Variants in ELF4 observed in about 807,000 individuals in gnomAD.
The protein encoded by ELF4 is E74 like ETS transcription factor 4.
In ELF4, 10 loss-of-function variants were observed where a neutral mutation model predicts 31.7. The observed-to-expected ratio is 0.32, with a 90% confidence interval of 0.19 to 0.54. ELF4 has a LOEUF of 0.54. Ranked by LOEUF, ELF4 falls within the 20% of genes least tolerant of loss-of-function variation. The pLI is 0.95. For missense variants in ELF4, 418 were observed against 522.0 expected (o/e 0.80, Z 1.94); for synonymous variants, 208 against 226.7 (o/e 0.92, Z 0.74).
intron 5 of ELF4, among the ~76,000 whole-genome samples, chrX:130,071,736 G>A (rs1019376188): frequency 2.7e-5 from 3 of 112,964 alleles, no homozygotes; most frequent in African/African-American, 9.6e-5. Flanking sequence ...AGGTAAGTGC[G>A]GTGCTGAGGT....
At position 130,069,327 on chromosome X, in the gene ELF4, C is replaced by T. The variant is rs1487210789; in HGVS notation, c.1160G>A (p.Gly387Asp). The change falls in exon 8 of 9, where the codon GGC (glycine) becomes GAC (aspartate). Residue 387 changes from glycine (G) to aspartate (D), a missense_variant. Transcript: ENST00000308167. ...CACAGCTTTGGTGAGCTTGACCTGG[C>T]CCTCTGCTGGAGAGACGAGCATGGT... ...TSTMLVSPAE[G>D]QVKLTKAVSA... 1.6e-6 allele frequency: 2 copies of T among 1,212,145 alleles called. No homozygotes were observed. Among genetic ancestry groups the T allele is most frequent in the Non-Finnish European group, 2.2e-6 (2 of 895,626 alleles).
chrX:130,084,599 G>A (rs772171524), intron 1 of ELF4, among the ~76,000 whole-genome samples: 14 of 111,691 alleles, frequency 1.3e-4, no homozygotes, highest in Non-Finnish European at 2.3e-4. Flanking sequence ...CAGCACCCGA[G>A]GCTCATCCTG....
chrX:130,087,238 G>A (rs762485353), intron 1 of ELF4, among the ~76,000 whole-genome samples: 51 of 112,056 alleles, frequency 4.6e-4, no homozygotes, highest in Admixed American at 6.6e-4. Context: ...AAACCCAAGT[G>A]TGGGGCAGCC....
At chrX:130,068,902 C>A (rs1019866888) in intron 8 of ELF4, among the ~76,000 whole-genome samples, 1 of 111,983 alleles carries the variant, frequency 8.9e-6, no homozygotes, top group Non-Finnish European at 1.9e-5. Flanking sequence ...ATGAGCCTGG[C>A]GACAGAGTAG....
intron 1 of ELF4, among the ~76,000 whole-genome samples, chrX:130,110,068 G>A (rs1933449712): frequency 8.9e-6 from 1 of 111,824 alleles, no homozygotes; most frequent in African/African-American, 3.2e-5. Flanking sequence ...GGCTGCCGGG[G>A]GCGAGGGAAA....
chrX:130,094,366 A>T (rs1031491045), intron 1 of ELF4, among the ~76,000 whole-genome samples: 1 of 109,874 alleles, frequency 9.1e-6, no homozygotes, highest in African/African-American at 3.3e-5. Context: ...CCTGGGTGAC[A>T]GAGTGAGACT....
Position 130,073,287 on chromosome X carries a change from C to A in ELF4, c.340+762G>T, listed in dbSNP as rs1190426645. ...TATTTTTAGTAGAGACGAGGTTTTG[C>A]CATGTTGGCCAGGCCAGTCTCGAAC... is the stretch of plus-strand genomic sequence containing the variant. On this transcript the variant is annotated intron_variant, in intron 4 of 8. Transcript: ENST00000308167. Among the ~76,000 whole-genome samples the A allele has an allele frequency of 4.5e-5, 5 of 110,676 alleles. No individual in the cohort carries two copies. In the Admixed American group the frequency reaches 4.8e-4, roughly 11 times the overall value.
intron 3 of ELF4, 113 bp downstream of exon 3, chrX:130,074,468 T>G: frequency 9.7e-7 from 1 of 1,033,073 alleles, no homozygotes. Flanking sequence ...ACTTTTTGGC[T>G]GGTGGACTTG....
rs1329242262 is a variant in ELF4, at chrX:130,066,960, A to G, written c.1753T>C (p.Ser585Pro). 8.2e-7 allele frequency: 1 copy of G among 1,212,171 alleles called. No homozygotes were observed. The highest frequency in any genetic ancestry group is 2.2e-5 in the Admixed American group (1 of 46,099). ...HLQPLPTQVV[S>P]RGSHNPSLLG... ...AGGCTCGGATTGTGGGAACCCCTGG[A>G]AACCACCTGGGTTGGAAGTGGCTGA... Residue 585 changes from serine to proline, a missense_variant, in exon 9 of 9, where the codon TCC becomes CCC. Physicochemically the swap from Ser to Pro is moderately conservative, Grantham distance 74. This residue lies in a region of ELF4 where 260 missense variants were observed against 269.2 expected (regional missense o/e 0.97). Coordinates refer to ENST00000308167, the MANE Select transcript of ELF4 (RefSeq NM_001421.4).
chrX:130,101,478 C>G lies in ELF4; in HGVS notation c.-210+8847G>C, dbSNP rs539224241. Among the ~76,000 whole-genome samples, 45 of 112,066 alleles carry G rather than the reference C, an allele frequency of 4.0e-4. No homozygotes were observed. In the South Asian group the frequency reaches 4.7e-3, roughly 12 times the overall value. On this transcript the variant is annotated intron_variant, in intron 1 of 8. Coordinates refer to ENST00000308167, the MANE Select transcript of ELF4 (RefSeq NM_001421.4). ...TCTAAAATAATGGTAACATAAGGAA[C>G]AAACATGATTATAAAATAAGATTTA...
intron 2 of ELF4, among the ~76,000 whole-genome samples, chrX:130,080,904 G>A (rs921508236): frequency 1.9e-4 from 21 of 112,555 alleles, no homozygotes; most frequent in African/African-American, 6.5e-4. Context: ...AGAAGTGGCC[G>A]AAAAATGCAT....
chrX:130,070,837 C>T (rs1932781098), intron 7 of ELF4, among the ~76,000 whole-genome samples: 1 of 106,449 alleles, frequency 9.4e-6, no homozygotes, highest in Non-Finnish European at 1.9e-5. Context: ...GAAAAAAGGC[C>T]AGGTCAGATA....
intron 1 of ELF4, among the ~76,000 whole-genome samples, chrX:130,097,438 A>AAAAAG (rs976657178): frequency 1.8e-5 from 2 of 111,303 alleles, no homozygotes; most frequent in African/African-American, 6.5e-5. Flanking sequence ...CTGTCTCAAA[A>AAAAAG]AAAAGAAAAG....
At position 130,066,694 on chromosome X, in the gene ELF4, G is replaced by C; in HGVS notation, c.*27C>G. On this transcript the variant is annotated 3_prime_UTR_variant, in exon 9 of 9. Coordinates refer to ENST00000308167, the MANE Select transcript of ELF4 (RefSeq NM_001421.4). ...AAAATGCTGCTCAATTTTGCCTGGT[G>C]GGTCACACTTGCCCTGACCCCTTTG... 6.7e-6 allele frequency: 8 copies of C among 1,201,795 alleles called. No individual in the cohort carries two copies. Among genetic ancestry groups the C allele is most frequent in the Non-Finnish European group, 9.0e-6 (8 of 888,635 alleles).
chrX:130,074,527 A>G lies in ELF4; in HGVS notation c.247+54T>C. 7.5e-6 allele frequency: 9 copies of G among 1,203,374 alleles called. No individual in the cohort carries two copies. The Admixed American group carries it at 1.5e-4, about 20-fold the overall frequency. On this transcript the variant is annotated intron_variant, in intron 3 of 8. Transcript: ENST00000308167. ...AGGCCATTGTGGGCTGCTGTTCCCT[A>G]AAGACACAGCCCCTTTTTCTACCAC...
chrX:130,090,424 T>C (rs545617426), intron 1 of ELF4, among the ~76,000 whole-genome samples: 1 of 109,994 alleles, frequency 9.1e-6, no homozygotes, highest in East Asian at 2.8e-4. Flanking sequence ...GCAGGGCACA[T>C]TGAACCTTCA....
At chrX:130,078,762 T>TACACACACAC (rs530565075) in intron 2 of ELF4, among the ~76,000 whole-genome samples, 191 of 84,872 alleles carry the variant, frequency 2.3e-3, no homozygotes, top group South Asian at 6.9e-3. Context: ...TCTCTCTCTC[T>TACACACACAC]ACACACACAC....
intron 1 of ELF4, among the ~76,000 whole-genome samples, chrX:130,086,473 C>T (rs1049654760): frequency 8.9e-6 from 1 of 111,984 alleles, no homozygotes; most frequent in Non-Finnish European, 1.9e-5. Context: ...AGGTCCCAGG[C>T]AAAGAGATGC....
At chrX:130,086,382 C>G (rs925901864) in intron 1 of ELF4, among the ~76,000 whole-genome samples, 2 of 112,079 alleles carry the variant, frequency 1.8e-5, no homozygotes, top group Non-Finnish European at 3.8e-5. Context: ...AGCCCCCGCT[C>G]TCACACCCTG....
Sources: allele counts gnomAD v4.1 joint callset (sites outside exome capture counted in the v4.1 genomes callset), GRCh38; gene constraint gnomAD v4.1.1; regional missense constraint gnomAD v4.1.1; transcripts MANE v1.5; gene names NCBI Gene and HGNC (gene_info 2026-07-23, HGNC 2026-07-21).